Variants in CD1E observed in about 807,000 individuals in gnomAD.
The protein encoded by CD1E is T-cell surface glycoprotein CD1e, membrane-associated.
Under a neutral mutation model 40.1 loss-of-function variants are expected in CD1E, and 49 were observed. The observed-to-expected ratio is 1.22, with a 90% CI of 0.97 to 1.55. The LOEUF is 1.55. CD1E is among the 40% of genes most tolerant of loss of function. CD1E has a pLI of 0.00. For missense variants in CD1E, 492 were observed against 471.3 expected, an observed-to-expected ratio of 1.04 and a Z score of -0.41; for synonymous variants, 189 against 178.3, an observed-to-expected ratio of 1.06 and a Z score of -0.48.
Position 158,354,652 on chromosome 1 carries a change from G to C in CD1E, c.334G>C (p.Ala112Pro). The C allele has an allele frequency of 1.2e-6, 2 of 1,613,040 alleles. No individual in the cohort carries two copies. Among genetic ancestry groups the C allele is most frequent in the Non-Finnish European group, 8.5e-7 (1 of 1,179,408 alleles). Residue 112 changes from alanine to proline, a missense_variant, in exon 2 of 6, where the codon GCT becomes CCT. Coordinates refer to ENST00000368167, the MANE Select transcript of CD1E (RefSeq NM_030893.4). ...TTTTATCCAGATAGTGCAAGCTTCT[G>C]CTGGTCAATTTCAGCTTGAATGTAA... The part of the protein sequence containing the change: ...HSFIQIVQAS[A>P]GQFQLEYPFE...
At chr1:158,356,668 T>C (rs761849755) in intron 5 of CD1E, 60 bp from the exon 6 acceptor site, 49 of 1,563,010 alleles carry the variant, frequency 3.1e-5, no homozygotes, top group Middle Eastern at 3.4e-4. Context: ...TTTTTTTTTT[T>C]CTCTGCCTTT....
intron 2 of CD1E, among the ~76,000 whole-genome samples, chr1:158,355,096 C>T (rs1205927118): frequency 1.3e-5 from 2 of 152,216 alleles, no homozygotes; most frequent in African/African-American, 2.4e-5. Flanking sequence ...CCATCTACCA[C>T]TTTCCCATTA....
chr1:158,354,746 AGACTCT>A, intron 2 of CD1E, 73 bp downstream of exon 2: 1 of 1,304,884 alleles, frequency 7.7e-7, no homozygotes, highest in Non-Finnish European at 1.1e-6. Flanking sequence ...GATAGTATAT[AGACTCT>A]GACCATCATT....
Position 158,357,143 on chromosome 1 carries a change from T to TGATA in CD1E, c.*249_*252dup. On this transcript the variant is annotated 3_prime_UTR_variant, in exon 6 of 6. Transcript: ENST00000368167. ...TCATGGATTCCCGAGATCACCCAAT[T>TGATA]GATAGCTCTTCTGTACTCCCCAAAT... 2.4e-6 allele frequency: 1 copy of TGATA among 419,488 alleles called. No individual in the cohort carries two copies. Among genetic ancestry groups the TGATA allele is most frequent in the Admixed American group, 3.7e-5 (1 of 27,014 alleles). 26.0% of individuals were successfully genotyped at this position (419,488 alleles called of 1,614,324 possible). A position where few individuals can be genotyped will look rare whatever the true frequency, so the allele number is the denominator to read the frequency against.
At position 158,356,009 on chromosome 1, in the gene CD1E, C is replaced by T. The variant is rs771238287; in HGVS notation, c.808C>T (p.Arg270Ter). 3.4e-5 allele frequency: 55 copies of T among 1,614,002 alleles called. No individual in the cohort carries two copies. Among genetic ancestry groups the T allele is most frequent in the Non-Finnish European group, 4.2e-5 (49 of 1,180,028 alleles). ...TAATGCTGACGAGACATGGTATCTCCGAGCAACCCTGGATGTGGCGGCTGG... is the reference window on the plus strand; with the variant it reads ...TAATGCTGACGAGACATGGTATCTCTGAGCAACCCTGGATGTGGCGGCTGG... ...LPNADETWYL[R>*]ATLDVAAGEA... Residue 270 changes from arginine (R) to a stop codon, truncating the protein, a stop_gained, in exon 4 of 6, where the codon CGA (arginine) becomes TGA (stop). Coordinates refer to ENST00000368167, the MANE Select transcript of CD1E (RefSeq NM_030893.4). LOFTEE classifies it high-confidence loss of function.
chr1:158,353,979 C>T lies in CD1E; in HGVS notation c.-10C>T, dbSNP rs1653284456. On this transcript the variant is annotated 5_prime_UTR_variant, in exon 1 of 6. Transcript: ENST00000368167. The stretch of plus-strand genomic sequence containing the variant: ...TCCTGCCAAGGAATCCCTCCTTTAA[C>T]AGAGCTTCAATGCTGCTCCTGTTCC... 5 of 1,613,364 alleles carry T rather than the reference C, an allele frequency of 3.1e-6. No individual in the cohort carries two copies. The East Asian group carries it at 6.7e-5, about 22-fold the overall frequency.
At chr1:158,356,130 G>A in intron 4 of CD1E, 25 bp downstream of exon 4, 1 of 1,611,984 alleles carries the variant, frequency 6.2e-7, no homozygotes, top group South Asian at 1.1e-5. Flanking sequence ...AGGCTCTGCT[G>A]GGAAATAATG....
At chr1:158,356,643 T>C (rs1227723632) in intron 5 of CD1E, 52 bp downstream of exon 5, 2 of 1,579,562 alleles carry the variant, frequency 1.3e-6, no homozygotes, top group East Asian at 4.5e-5. Context: ...ATTCATTCCT[T>C]TTTCCTCTAT....
Position 158,356,537 on chromosome 1 carries a change from T to G in CD1E, c.944T>G (p.Val315Gly), listed in dbSNP as rs749597694. Reference protein sequence around the residue: ...SIFLILICLTVIVTLVILVVV... With the variant: ...SIFLILICLTGIVTLVILVVV... ...TTTCTCATCCTGATCTGTTTGACTGTGATAGTTACCCTGGTCATATTGGTT... is the reference window on the plus strand; with the variant it reads ...TTTCTCATCCTGATCTGTTTGACTGGGATAGTTACCCTGGTCATATTGGTT... The change falls in exon 5 of 6, where the codon GTG becomes GGG. Residue 315 changes from valine to glycine, a missense_variant. Coordinates refer to ENST00000368167, the MANE Select transcript of CD1E (RefSeq NM_030893.4). 10 of 1,613,762 alleles carry G rather than the reference T, an allele frequency of 6.2e-6. No individual in the cohort carries two copies. The highest frequency in any genetic ancestry group is 7.6e-6 in the Non-Finnish European group (9 of 1,179,834).
At chr1:158,354,924 C>A (rs1476333961) in intron 2 of CD1E, among the ~76,000 whole-genome samples, 1 of 152,118 alleles carries the variant, frequency 6.6e-6, no homozygotes, top group African/African-American at 2.4e-5. Context: ...ATTGTCTCCT[C>A]TGGATCTTCT....
rs770692589 is a variant in CD1E, at chr1:158,356,894, T to G, written c.1165T>G (p.Ter389GlyextTer22). ...KWKTRLNQLW[*>G] The stretch of plus-strand genomic sequence containing the variant: ...GAAGACACGCCTAAACCAACTCTGG[T>G]GACATTTGCTTTACCTTATACATAA... The change falls in exon 6 of 6, where the codon TGA (stop) becomes GGA (glycine). Residue 389 changes from the stop codon to glycine, a stop_lost. Coordinates refer to ENST00000368167, the MANE Select transcript of CD1E (RefSeq NM_030893.4). 2 of 1,613,654 alleles carry G rather than the reference T, an allele frequency of 1.2e-6. No homozygotes were observed. The highest frequency in any genetic ancestry group is 1.7e-5 in the Admixed American group (1 of 60,024).
At position 158,356,603 on chromosome 1, in the gene CD1E, C is replaced by A; in HGVS notation, c.998+12C>A. ...TTAAAAAAACAGAGGTGAGCTTTTT[C>A]TTGTTCTTTGTTTCTTCAGCCTGTA... is the stretch of plus-strand genomic sequence containing the variant. On this transcript the variant is annotated intron_variant, in intron 5 of 5. Coordinates refer to ENST00000368167, the MANE Select transcript of CD1E (RefSeq NM_030893.4). 6.2e-7 allele frequency: 1 copy of A among 1,608,744 alleles called. No individual in the cohort carries two copies. The highest frequency in any genetic ancestry group is 2.2e-5 in the East Asian group (1 of 44,824).
chr1:158,357,006 C>CT lies in CD1E; in HGVS notation c.*111dup. On this transcript the variant is annotated 3_prime_UTR_variant, in exon 6 of 6. Coordinates refer to ENST00000368167, the MANE Select transcript of CD1E (RefSeq NM_030893.4). ...TAAACAGTTTATACTAGCAAAGATA[C>CT]TGACCCCTTTAGGAATACTTTTTCC... is the stretch of plus-strand genomic sequence containing the variant. 1.2e-6 allele frequency: 1 copy of CT among 864,030 alleles called. No homozygotes were observed. The highest frequency in any genetic ancestry group is 2.5e-5 in the East Asian group (1 of 39,654). 53.5% of individuals were successfully genotyped at this position (864,030 alleles called of 1,614,324 possible).
intron 3 of CD1E, 117 bp from the exon 4 acceptor site, chr1:158,355,710 G>C (rs1571218785): frequency 1.4e-6 from 2 of 1,418,076 alleles, no homozygotes; most frequent in Non-Finnish European, 1.9e-6. Context: ...TCTTAGACAA[G>C]AGAAAGAAGT....
chr1:158,356,763 G>A lies in CD1E; in HGVS notation c.1034G>A (p.Ser345Asn), dbSNP rs180980445. The change falls in exon 6 of 6, where the codon AGC becomes AAC. Residue 345 changes from serine to asparagine, a missense_variant. Ser to Asn is a conservative substitution (Grantham distance 46, BLOSUM62 1). Coordinates refer to ENST00000368167, the MANE Select transcript of CD1E (RefSeq NM_030893.4). ...NKNILSPHTP[S>N]PVFLMGANTQ... is the part of the protein sequence containing the mutation. Reference sequence around the variant, plus strand: ...AACATTCTTTCTCCCCACACACCCAGCCCTGTCTTTCTCATGGGAGCCAAC... The same window carrying A: ...AACATTCTTTCTCCCCACACACCCAACCCTGTCTTTCTCATGGGAGCCAAC... 289 of 1,612,342 alleles carry A rather than the reference G, an allele frequency of 1.8e-4. 1 individual carries two copies. The highest frequency in any genetic ancestry group is 2.2e-4 in the Non-Finnish European group (259 of 1,179,748).
chr1:158,355,975 C>T lies in CD1E; in HGVS notation c.774C>T (p.Asp258=), dbSNP rs61734677. 7.4e-3 allele frequency: 11,989 copies of T among 1,614,026 alleles called. 767 individuals are homozygous for T. In the African/African-American group the frequency reaches 0.14, roughly 19 times the overall value. ...EQEQRGTQRG[D]VLPNADETWY... ...AGCAGCGGGGCACTCAGCGAGGGGA[C>T]GTCCTGCCTAATGCTGACGAGACAT... Residue 258 remains aspartate (D), a synonymous_variant, in exon 4 of 6, where the codon GAC becomes GAT. Transcript: ENST00000368167.
In CD1E at chr1:158,354,570, C is replaced by T. The variant is rs1465157442; in HGVS notation, c.252C>T (p.Asn84=). The T allele has an allele frequency of 1.2e-6, 2 of 1,614,038 alleles. No homozygotes were observed. Among genetic ancestry groups the T allele is most frequent in the East Asian group, 2.2e-5 (1 of 44,890 alleles). The part of the protein sequence containing the change: ...IRFLKPWSHG[N]FSKQELKNLQ... ...TTCTGAAGCCCTGGTCCCATGGAAACTTCAGCAAGCAGGAGCTGAAAAACT... is the reference window on the plus strand; with the variant it reads ...TTCTGAAGCCCTGGTCCCATGGAAATTTCAGCAAGCAGGAGCTGAAAAACT... The change falls in exon 2 of 6, where the codon AAC becomes AAT. Residue 84 remains asparagine (N), a synonymous_variant. Coordinates refer to ENST00000368167, the MANE Select transcript of CD1E (RefSeq NM_030893.4).
Position 158,355,564 on chromosome 1 carries a change from G to A in CD1E, c.620G>A (p.Arg207Gln), listed in dbSNP as rs770734231. The change falls in exon 3 of 6, where the codon CGG (arginine) becomes CAG (glutamine). Residue 207 changes from arginine (R) to glutamine (Q), a missense_variant. Coordinates refer to ENST00000368167, the MANE Select transcript of CD1E (RefSeq NM_030893.4). The stretch of plus-strand genomic sequence containing the variant: ...GAAGCAGGGGAGTCAGAACTGAAAC[G>A]GAAAGGTGAGCCCAACTCTCTCTCT... ...LMEAGESELK[R>Q]KVKPEAWLSC... 2.1e-5 allele frequency: 34 copies of A among 1,613,484 alleles called. No individual in the cohort carries two copies. Among genetic ancestry groups the A allele is most frequent in the South Asian group, 5.5e-5 (5 of 91,006 alleles).
At position 158,354,603 on chromosome 1, in the gene CD1E, A is replaced by C; in HGVS notation, c.285A>C (p.Ser95=). ...AGCAGGAGCTGAAAAACTTACAGTC[A>C]CTGTTCCAGTTATACTTCCATAGTT... ...FSKQELKNLQ[S]LFQLYFHSFI... is the part of the protein sequence containing the mutation. Residue 95 remains serine, a synonymous_variant, in exon 2 of 6, where the codon TCA becomes TCC. Coordinates refer to ENST00000368167, the MANE Select transcript of CD1E (RefSeq NM_030893.4). 1 of 1,614,092 alleles carries C rather than the reference A, an allele frequency of 6.2e-7. No homozygotes were observed. Among genetic ancestry groups the C allele is most frequent in the South Asian group, 1.1e-5 (1 of 91,078 alleles).
Sources: gnomAD v4.1 joint callset for allele counts (sites outside exome capture counted in the v4.1 genomes callset) on GRCh38, gnomAD v4.1.1 for gene constraint, MANE v1.5 for transcripts, NCBI Gene and HGNC (gene_info 2026-07-23, HGNC 2026-07-21) for gene names.